The following HS3ST4 variants were observed in gnomAD, a reference collection of about 807,000 sequenced individuals.
HS3ST4 encodes heparan sulfate glucosamine 3-O-sulfotransferase 4.
HS3ST4 carries 17 observed loss-of-function variants against 29.2 expected under a neutral mutation model. The observed-to-expected ratio is 0.58, with a 90% confidence interval of 0.40 to 0.87. The LOEUF is 0.87. Among genes scored for constraint, HS3ST4 ranks in the 40% least tolerant of loss-of-function variants. HS3ST4 has a pLI of 0.00. For synonymous variants in HS3ST4, 314 were observed against 285.7 expected (o/e 1.10, Z -1.00); for missense variants, 627 against 634.5 (o/e 0.99, Z 0.13).
At chr16:25,773,192 C>A (rs1434356494) in intron 1 of HS3ST4, among the ~76,000 whole-genome samples, 1 of 152,146 alleles carries the variant, frequency 6.6e-6, no homozygotes, top group Non-Finnish European at 1.5e-5. Context: ...CAGTTTTGTT[C>A]CCAGACAGGA....
intron 1 of HS3ST4, among the ~76,000 whole-genome samples, chr16:26,050,113 C>A (rs1447446143): frequency 6.6e-6 from 1 of 152,166 alleles, no homozygotes; most frequent in Non-Finnish European, 1.5e-5. Context: ...GACTGGGAAG[C>A]GGGGCTGAAA....
At chr16:25,823,439 A>C (rs1248243286) in intron 1 of HS3ST4, among the ~76,000 whole-genome samples, 1 of 152,216 alleles carries the variant, frequency 6.6e-6, no homozygotes. Flanking sequence ...GGGATGAGGT[A>C]TGTAGTTCAT....
At chr16:25,965,414 AAG>A (rs1328384667) in intron 1 of HS3ST4, among the ~76,000 whole-genome samples, 2 of 151,764 alleles carry the variant, frequency 1.3e-5, no homozygotes, top group East Asian at 3.9e-4. Context: ...AAAAAAAAAA[AAG>A]TTCCTATAAA....
At chr16:25,710,145 T>C (rs1966405821) in intron 1 of HS3ST4, among the ~76,000 whole-genome samples, 1 of 150,960 alleles carries the variant, frequency 6.6e-6, no homozygotes. Context: ...TAAGACGTTT[T>C]AGGAAAATAA....
intron 1 of HS3ST4, among the ~76,000 whole-genome samples, chr16:25,988,101 C>A (rs1347351602): frequency 2.6e-5 from 4 of 152,192 alleles, no homozygotes; most frequent in African/African-American, 9.7e-5. Flanking sequence ...CTCCAGACAT[C>A]TGAAGTTGAC....
Position 26,107,359 on chromosome 16 carries a change from C to CAT in HS3ST4, c.735-28252_735-28251insTA, listed in dbSNP as rs1227138430. On this transcript the variant is annotated intron_variant, in intron 1 of 1. Transcript: ENST00000331351. ...GCTGAGATTGGCATACAAACACACA[C>CAT]ACACACACACATATGCACACACACA... is the stretch of plus-strand genomic sequence containing the variant. Among the ~76,000 whole-genome samples the CAT allele has an allele frequency of 5.9e-5, 9 of 151,554 alleles. No individual in the cohort carries two copies. The East Asian group carries it at 1.6e-3, about 26-fold the overall frequency.
At chr16:25,903,469 A>G (rs1424408889) in intron 1 of HS3ST4, among the ~76,000 whole-genome samples, 1 of 151,602 alleles carries the variant, frequency 6.6e-6, no homozygotes, top group Admixed American at 6.6e-5. Context: ...CATTACCTAT[A>G]ACAATATGTA....
intron 1 of HS3ST4, among the ~76,000 whole-genome samples, chr16:25,983,297 C>T (rs1026489299): frequency 6.6e-6 from 1 of 152,048 alleles, no homozygotes; most frequent in Non-Finnish European, 1.5e-5. Context: ...GTAGAAGAGC[C>T]CCCCTTGCTG....
intron 1 of HS3ST4, among the ~76,000 whole-genome samples, chr16:26,055,039 A>T (rs573625708): frequency 1.3e-5 from 2 of 152,038 alleles, no homozygotes; most frequent in Non-Finnish European, 2.9e-5. Flanking sequence ...TTCCTATGAC[A>T]TTAAATTCAG....
intron 1 of HS3ST4, among the ~76,000 whole-genome samples, chr16:25,836,185 C>A (rs192843080): frequency 6.6e-6 from 1 of 152,050 alleles, no homozygotes; most frequent in Non-Finnish European, 1.5e-5. Context: ...TGCTAAGGAG[C>A]CAAAATTACA....
chr16:26,026,791 G>A (rs965232845), intron 1 of HS3ST4, among the ~76,000 whole-genome samples: 1 of 152,194 alleles, frequency 6.6e-6, no homozygotes, highest in African/African-American at 2.4e-5. Context: ...TACGCTCTGA[G>A]TCTGATATGA....
At chr16:25,924,957 T>C (rs1391349582) in intron 1 of HS3ST4, among the ~76,000 whole-genome samples, 2 of 152,158 alleles carry the variant, frequency 1.3e-5, no homozygotes, top group Non-Finnish European at 2.9e-5. Context: ...TTCATTTTCA[T>C]CTTGCTTAAG....
At chr16:26,025,869 G>T (rs370485674) in intron 1 of HS3ST4, among the ~76,000 whole-genome samples, 1 of 152,250 alleles carries the variant, frequency 6.6e-6, no homozygotes, top group South Asian at 2.1e-4. Flanking sequence ...TCTGCCTCCC[G>T]GATTTAAACA....
intron 1 of HS3ST4, among the ~76,000 whole-genome samples, chr16:25,789,379 T>C (rs1567240154): frequency 2.0e-5 from 3 of 146,846 alleles, no homozygotes; most frequent in Admixed American, 6.7e-5. Flanking sequence ...CTCTTTCTCT[T>C]TCTTTCTTTC....
At chr16:26,106,324 C>A (rs1040661215) in intron 1 of HS3ST4, among the ~76,000 whole-genome samples, 16 of 152,182 alleles carry the variant, frequency 1.1e-4, no homozygotes, top group African/African-American at 3.9e-4. Context: ...TGTCCACCCA[C>A]CCTACTCCGT....
intron 1 of HS3ST4, among the ~76,000 whole-genome samples, chr16:26,067,058 G>A (rs1898551311): frequency 1.3e-5 from 2 of 152,294 alleles, no homozygotes; most frequent in East Asian, 3.9e-4. Flanking sequence ...AATTTGACAG[G>A]TAGAGGGGAT....
At chr16:25,970,670 G>A (rs1369587476) in intron 1 of HS3ST4, among the ~76,000 whole-genome samples, 2 of 151,924 alleles carry the variant, frequency 1.3e-5, no homozygotes, top group Non-Finnish European at 2.9e-5. Flanking sequence ...CACCATGCCT[G>A]GCTAAGTTTT....
rs535130378 is a variant in HS3ST4, at chr16:26,104,315, CTTG to C, written c.735-31290_735-31288del. Among the ~76,000 whole-genome samples, 394 of 152,298 alleles carry C rather than the reference CTTG, an allele frequency of 2.6e-3. 2 individuals are homozygous for C. Among genetic ancestry groups the C allele is most frequent in the Middle Eastern group, 0.01 (3 of 294 alleles). Reference sequence around the variant, plus strand: ...TTCCAGTTTCTACTGCAGTTCTAGGCTTGTTGTTGACTGCTTGTGGTAGCTTTG... The same window carrying C: ...TTCCAGTTTCTACTGCAGTTCTAGGCTTGTTGACTGCTTGTGGTAGCTTTG... On this transcript the variant is annotated intron_variant, in intron 1 of 1. Coordinates refer to ENST00000331351, the MANE Select transcript of HS3ST4 (RefSeq NM_006040.3).
At chr16:25,759,540 C>A (rs183660764) in intron 1 of HS3ST4, among the ~76,000 whole-genome samples, 1,534 of 152,206 alleles carry the variant, frequency 0.01, 29 homozygotes, top group African/African-American at 0.035. Context: ...TGGGGGTTGA[C>A]CCCATCAGGA....
Sources: gnomAD v4.1 joint callset for allele counts (sites outside exome capture counted in the v4.1 genomes callset) on GRCh38, gnomAD v4.1.1 for gene constraint, MANE v1.5 for transcripts, NCBI Gene and HGNC (gene_info 2026-07-23, HGNC 2026-07-21) for gene names.